The following RGS9 variants were observed in gnomAD, a reference collection of about 807,000 sequenced individuals.
RGS9 encodes regulator of G protein signaling 9.
RGS9 carries 78 observed loss-of-function variants against 102.0 expected under a neutral mutation model. The ratio of observed to expected loss-of-function variants is 0.76; its 90% CI spans 0.64 to 0.92. The LOEUF (loss-of-function observed/expected upper bound fraction) is 0.92, where lower values mean the gene tolerates loss of function less well. Among genes scored for constraint, RGS9 ranks in the 40% least tolerant of loss-of-function variants. The probability of loss-of-function intolerance (pLI) is 0.00; values close to 1 mark genes in which losing one functional copy is unlikely to be tolerated. For synonymous variants in RGS9, 353 were observed against 318.6 expected, an observed-to-expected ratio of 1.11 and a Z score of -1.15; for missense variants, 833 against 866.1, an observed-to-expected ratio of 0.96 and a Z score of 0.48.
intron 8 of RGS9, among the ~76,000 whole-genome samples, chr17:65,175,574 G>A (rs1335191652): frequency 6.6e-6 from 1 of 152,102 alleles, no homozygotes; most frequent in African/African-American, 2.4e-5. Flanking sequence ...GTGGTCTCGG[G>A]GCACACTCAC....
chr17:65,208,506 G>A (rs1216585565), intron 16 of RGS9, among the ~76,000 whole-genome samples: 1 of 152,144 alleles, frequency 6.6e-6, no homozygotes, highest in Non-Finnish European at 1.5e-5. Context: ...CCATGAACTT[G>A]TTCATTCTCA....
chr17:65,168,390 A>G (rs1911279945), intron 8 of RGS9, 109 bp downstream of exon 8: 1 of 782,302 alleles, frequency 1.3e-6, no homozygotes, highest in East Asian at 2.8e-5. Flanking sequence ...CGAGAATTGG[A>G]TCAGCAGGAG....
At chr17:65,143,618 C>T (rs1030521203) in intron 1 of RGS9, among the ~76,000 whole-genome samples, 19 of 151,664 alleles carry the variant, frequency 1.3e-4, no homozygotes, top group Admixed American at 2.6e-4. Context: ...CCTGTCTCTA[C>T]CAAAAATACA....
At chr17:65,172,378 AT>A (rs1598583815) in intron 8 of RGS9, among the ~76,000 whole-genome samples, 1 of 151,796 alleles carries the variant, frequency 6.6e-6, no homozygotes, top group Admixed American at 6.6e-5. Flanking sequence ...TAATTTTTGT[AT>A]TTTTAGTAGA....
intron 15 of RGS9, among the ~76,000 whole-genome samples, chr17:65,205,565 G>A (rs192450427): frequency 6.6e-6 from 1 of 151,878 alleles, no homozygotes; most frequent in East Asian, 1.9e-4. Context: ...TATGATATAG[G>A]TTATATGAGA....
chr17:65,172,308 A>G (rs1911450516), intron 8 of RGS9, among the ~76,000 whole-genome samples: 1 of 152,128 alleles, frequency 6.6e-6, no homozygotes, highest in African/African-American at 2.4e-5. Context: ...GGTTCAAGCA[A>G]TTCTCCTGAA....
At chr17:65,141,445 G>T (rs952687365) in intron 1 of RGS9, among the ~76,000 whole-genome samples, 6 of 152,200 alleles carry the variant, frequency 3.9e-5, no homozygotes, top group Admixed American at 2.6e-4. Flanking sequence ...GCGGCTTCTG[G>T]CATCTCTTTT....
rs1905725579 is a variant in RGS9 at position 65,227,176 on chromosome 17, C to T, written c.1893-99C>T. The T allele has an allele frequency of 5.2e-6, 8 of 1,549,234 alleles. No homozygotes were observed. In the African/African-American group the frequency reaches 9.5e-5, roughly 18 times the overall value. ...CCCACCACAGTCTTTGGCAAATGCA[C>T]CTGGTATGTTCATCTTCAAGGATGT... On this transcript the variant is annotated intron_variant, in intron 18 of 18. Coordinates refer to ENST00000262406, the MANE Select transcript of RGS9 (RefSeq NM_003835.4).
chr17:65,151,762 T>C (rs1403975153), intron 1 of RGS9, among the ~76,000 whole-genome samples: 1 of 152,254 alleles, frequency 6.6e-6, no homozygotes, highest in East Asian at 1.9e-4. Context: ...TGTGTCACCC[T>C]TAGTGAACCT....
intron 6 of RGS9, 100 bp from the exon 7 acceptor site, chr17:65,162,913 T>G: frequency 2.8e-6 from 2 of 715,456 alleles, no homozygotes; most frequent in Non-Finnish European, 2.6e-6. Context: ...ATGGTTGCCA[T>G]GAGCCAGGGG....
chr17:65,224,236 G>T (rs757729893), intron 17 of RGS9, among the ~76,000 whole-genome samples: 18 of 152,360 alleles, frequency 1.2e-4, no homozygotes, highest in Non-Finnish European at 2.5e-4. Flanking sequence ...GGCTGTAAAT[G>T]CCAGATTTAC....
At chr17:65,143,922 C>T (rs1410156964) in intron 1 of RGS9, among the ~76,000 whole-genome samples, 1 of 149,202 alleles carries the variant, frequency 6.7e-6, no homozygotes, top group East Asian at 1.9e-4. Flanking sequence ...GATCATGCCA[C>T]TGTACTCCAG....
chr17:65,146,174 C>T (rs1023558794), intron 1 of RGS9, among the ~76,000 whole-genome samples: 1 of 152,166 alleles, frequency 6.6e-6, no homozygotes, highest in African/African-American at 2.4e-5. Context: ...TATGTCTTCT[C>T]CAATATATGG....
chr17:65,224,039 G>A (rs556067330), intron 17 of RGS9, among the ~76,000 whole-genome samples: 102 of 152,170 alleles, frequency 6.7e-4, no homozygotes, highest in Non-Finnish European at 1.3e-3. Flanking sequence ...TTACAGGGGT[G>A]AGCCACCATG....
Position 65,222,438 on chromosome 17 carries a change from G to A in RGS9, c.1408-2564G>A, listed in dbSNP as rs78804369. Among the ~76,000 whole-genome samples the A allele has an allele frequency of 9.7e-3, 1,471 of 152,300 alleles. 22 individuals carry two copies. Among genetic ancestry groups the A allele is most frequent in the African/African-American group, 0.034 (1,417 of 41,554 alleles). On this transcript the variant is annotated intron_variant, in intron 17 of 18. Transcript: ENST00000262406. Reference sequence around the variant, plus strand: ...GTTCACGTGTACACTCAAGGACAGGGGTGGGAATCCTACATGCCACAGTCA... The same window carrying A: ...GTTCACGTGTACACTCAAGGACAGGAGTGGGAATCCTACATGCCACAGTCA...
At chr17:65,216,708 G>A (rs1020285865) in intron 17 of RGS9, among the ~76,000 whole-genome samples, 1 of 152,202 alleles carries the variant, frequency 6.6e-6, no homozygotes, top group Non-Finnish European at 1.5e-5. Context: ...GGTTGAAAAT[G>A]TGCTTCTGGT....
chr17:65,223,992 GGTTA>G (rs537252734), intron 17 of RGS9, among the ~76,000 whole-genome samples: 199 of 151,902 alleles, frequency 1.3e-3, no homozygotes, highest in Admixed American at 2.1e-3. Flanking sequence ...CCTGACCTCA[GGTTA>G]TCCACCCGCC....
At chr17:65,198,997 A>C (rs1533335) in intron 13 of RGS9, among the ~76,000 whole-genome samples, 30,570 of 151,956 alleles carry the variant, frequency 0.2, 5,176 homozygotes, top group African/African-American at 0.44. Flanking sequence ...CCCCCCCACT[A>C]ATTCCTTAGT....
At chr17:65,172,781 G>A (rs372952313) in intron 8 of RGS9, among the ~76,000 whole-genome samples, 59 of 152,220 alleles carry the variant, frequency 3.9e-4, no homozygotes, top group South Asian at 1.2e-3. Context: ...CTCTGCGTCC[G>A]GTTGGGGGTC....
Sources: gnomAD v4.1 joint callset for allele counts (sites outside exome capture counted in the v4.1 genomes callset) on GRCh38, gnomAD v4.1.1 for gene constraint, MANE v1.5 for transcripts, NCBI Gene and HGNC (gene_info 2026-07-23, HGNC 2026-07-21) for gene names.